RGS20: variants seen among roughly 807,000 people sequenced by gnomAD.
RGS20 encodes regulator of G protein signaling 20, also known as gz-selective GTPase-activating protein.
In RGS20, 30 loss-of-function variants were observed where a neutral mutation model predicts 33.6. The observed-to-expected ratio is 0.89, with a 90% CI of 0.67 to 1.21. The LOEUF is 1.21. RGS20 is among the 50% of genes most tolerant of loss of function. The pLI is 0.00. For missense variants in RGS20, 472 were observed against 502.4 expected (o/e 0.94, Z 0.58); for synonymous variants, 208 against 197.9 (o/e 1.05, Z -0.43).
At chr8:53,952,244 A>ATTTT (rs993312770) in intron 4 of RGS20, among the ~76,000 whole-genome samples, 7 of 88,240 alleles carry the variant, frequency 7.9e-5, no homozygotes, top group African/African-American at 3.2e-4. Flanking sequence ...TGCCCAGCTA[A>ATTTT]TTTTTTTTTT....
At chr8:53,939,212 C>A (rs953073071) in intron 2 of RGS20, among the ~76,000 whole-genome samples, 1 of 152,148 alleles carries the variant, frequency 6.6e-6, no homozygotes, top group African/African-American at 2.4e-5. Context: ...TCCCTGTCCC[C>A]CTTTGGTTCA....
rs990546577 is a variant in RGS20, at chr8:53,947,241, T to G, written c.743+493T>G. 5.0e-4 allele frequency among the ~76,000 whole-genome samples: 73 copies of G among 144,558 alleles called. 1 individual carries two copies. The highest frequency in any genetic ancestry group is 9.1e-4 in the Non-Finnish European group (61 of 66,738). The allele number at this position is 144,558 out of a possible 152,430, so 94.8% of individuals were successfully genotyped here. ...ATTTATTTATACATGCTATATAAGA[T>G]ATAGCATATTTATTTATACATGCTA... On this transcript the variant is annotated intron_variant, in intron 4 of 5. Transcript: ENST00000297313.
Position 53,879,252 on chromosome 8 carries a change from C to A in RGS20, c.166-6C>A. On this transcript the variant is annotated splice_region_variant and splice_polypyrimidine_tract_variant and intron_variant, in intron 1 of 5. Coordinates refer to ENST00000297313, the MANE Select transcript of RGS20 (RefSeq NM_170587.4). ...TGCTGGTTTTGTTTCTCTCTCCCCACCCCAGTCCTTCCCGCCTGCACAGCT... is the reference window on the plus strand; with the variant it reads ...TGCTGGTTTTGTTTCTCTCTCCCCAACCCAGTCCTTCCCGCCTGCACAGCT... The A allele has an allele frequency of 6.2e-7, 1 of 1,612,370 alleles. No homozygotes were observed. The highest frequency in any genetic ancestry group is 8.5e-7 in the Non-Finnish European group (1 of 1,178,730).
In RGS20 at chr8:53,882,787, C is replaced by A. The variant is rs539720517; in HGVS notation, c.510+3185C>A. On this transcript the variant is annotated intron_variant, in intron 2 of 5. Coordinates refer to ENST00000297313, the MANE Select transcript of RGS20 (RefSeq NM_170587.4). ...AGCAGGACCCTCGCCCACTGGCTAG[C>A]GGAATTAGGCACCTGCACGCGGGCT... is the stretch of plus-strand genomic sequence containing the variant. Among the ~76,000 whole-genome samples, 249 of 152,254 alleles carry A rather than the reference C, an allele frequency of 1.6e-3. 1 individual carries two copies. Among genetic ancestry groups the A allele is most frequent in the Non-Finnish European group, 2.5e-3 (173 of 68,008 alleles).
At chr8:53,935,006 G>A (rs1814088757) in intron 2 of RGS20, among the ~76,000 whole-genome samples, 1 of 152,162 alleles carries the variant, frequency 6.6e-6, no homozygotes, top group East Asian at 1.9e-4. Context: ...GCTCTTGAAT[G>A]ACTACTGAGT....
At chr8:53,920,257 C>A (rs998789686) in intron 2 of RGS20, among the ~76,000 whole-genome samples, 1 of 151,942 alleles carries the variant, frequency 6.6e-6, no homozygotes, top group African/African-American at 2.4e-5. Context: ...AAATTTATTT[C>A]TAATTATTTT....
Position 53,877,413 on chromosome 8 carries a change from G to A in RGS20, c.166-1845G>A, listed in dbSNP as rs1812233321. Reference sequence around the variant, plus strand: ...GCCGCCCAGGACTAGCTGCCCGGCGGAGGCCGAGCACGCTTGGCGGCAGCT... The same window carrying A: ...GCCGCCCAGGACTAGCTGCCCGGCGAAGGCCGAGCACGCTTGGCGGCAGCT... On this transcript the variant is annotated intron_variant, in intron 1 of 5. Transcript: ENST00000297313. The surrounding 1 kb of genome is among the most constrained non-coding windows in gnomAD (Gnocchi z 5.7). Among the ~76,000 whole-genome samples, 1 of 152,200 alleles carries A rather than the reference G, an allele frequency of 6.6e-6. No individual in the cohort carries two copies. Among genetic ancestry groups the A allele is most frequent in the Non-Finnish European group, 1.5e-5 (1 of 68,030 alleles).
At chr8:53,880,823 C>G (rs1012723667) in intron 2 of RGS20, 49 bp from the exon 1 acceptor site, 5 of 1,360,932 alleles carry the variant, frequency 3.7e-6, no homozygotes, top group Admixed American at 3.1e-5. Context: ...GGAGGCGAGA[C>G]GTGGGATTGC....
chr8:53,883,858 A>G (rs908798227), intron 2 of RGS20, among the ~76,000 whole-genome samples: 3 of 151,856 alleles, frequency 2.0e-5, no homozygotes, highest in South Asian at 2.1e-4. Flanking sequence ...AGGCAGGAGA[A>G]TTGCTTGAAC....
intron 4 of RGS20, among the ~76,000 whole-genome samples, chr8:53,953,656 C>T (rs188419983): frequency 8.6e-4 from 131 of 152,240 alleles, no homozygotes; most frequent in Non-Finnish European, 1.4e-3. Context: ...GACACTTGCT[C>T]TATTGTTCCA....
At chr8:53,956,149 G>A (rs1487111578) in intron 5 of RGS20, among the ~76,000 whole-genome samples, 1 of 152,178 alleles carries the variant, frequency 6.6e-6, no homozygotes, top group Non-Finnish European at 1.5e-5. Flanking sequence ...CACAAACACA[G>A]CAGGATGGGG....
At chr8:53,901,843 G>A (rs1191414386) in intron 2 of RGS20, among the ~76,000 whole-genome samples, 1 of 152,162 alleles carries the variant, frequency 6.6e-6, no homozygotes, top group Non-Finnish European at 1.5e-5. Flanking sequence ...GGGCAACAGA[G>A]TGAGACCCTG....
At chr8:53,872,197 C>T (rs891368416) in intron 1 of RGS20, among the ~76,000 whole-genome samples, 1 of 152,160 alleles carries the variant, frequency 6.6e-6, no homozygotes, top group Non-Finnish European at 1.5e-5. Flanking sequence ...CCAAACCTGT[C>T]CATTTATTTA....
intron 2 of RGS20, among the ~76,000 whole-genome samples, chr8:53,904,440 G>A (rs1482979241): frequency 1.3e-5 from 2 of 152,126 alleles, no homozygotes; most frequent in Admixed American, 1.3e-4. Flanking sequence ...CCACAACTTT[G>A]ATTTTTGACA....
intron 4 of RGS20, among the ~76,000 whole-genome samples, chr8:53,949,512 T>G (rs983377096): frequency 6.6e-6 from 1 of 151,268 alleles, no homozygotes; most frequent in Non-Finnish European, 1.5e-5. Flanking sequence ...AGGTCAGGAG[T>G]TTGAGACCAG....
Position 53,878,145 on chromosome 8 carries a change from T to C in RGS20, c.166-1113T>C, listed in dbSNP as rs1812249739. Among the ~76,000 whole-genome samples, 3 of 152,198 alleles carry C rather than the reference T, an allele frequency of 2.0e-5. No homozygotes were observed. In the South Asian group the frequency reaches 6.2e-4, roughly 31 times the overall value. ...TTTTTTGGCAACCACCGCTCTTGTT[T>C]TTCACAGACAGATTAAATTGTTTTT... On this transcript the variant is annotated intron_variant, in intron 1 of 5. Transcript: ENST00000297313.
chr8:53,865,402 G>A (rs544971675), intron 1 of RGS20, among the ~76,000 whole-genome samples: 1 of 152,280 alleles, frequency 6.6e-6, no homozygotes, highest in Admixed American at 6.5e-5. Flanking sequence ...GCATTGTTTA[G>A]AAATGTAAAA....
chr8:53,856,251 T>C (rs1418526530), intron 1 of RGS20, among the ~76,000 whole-genome samples: 1 of 151,628 alleles, frequency 6.6e-6, no homozygotes, highest in East Asian at 1.9e-4. Flanking sequence ...AGTCTTGCTC[T>C]GTTGCCCAGG....
In RGS20 at chr8:53,959,212, C is replaced by A. The variant is rs1489290386; in HGVS notation, c.*754C>A. The A allele has an allele frequency of 6.6e-6, 1 of 152,162 alleles. No individual in the cohort carries two copies. Among genetic ancestry groups the A allele is most frequent in the Non-Finnish European group, 1.5e-5 (1 of 68,040 alleles). 9.4% of individuals were successfully genotyped at this position (152,162 alleles called of 1,614,324 possible). On this transcript the variant is annotated 3_prime_UTR_variant, in exon 6 of 6. Transcript: ENST00000297313. ...TAACTTGGTCATGTTCACAACAAAA[C>A]TGTCAAATAAGCATATTTCCATTTT...
Sources: allele counts gnomAD v4.1 joint callset (sites outside exome capture counted in the v4.1 genomes callset), GRCh38; gene constraint gnomAD v4.1.1; non-coding constraint Gnocchi (gnomAD v3.1); transcripts MANE v1.5; gene names NCBI Gene and HGNC (gene_info 2026-07-23, HGNC 2026-07-21).